Variants in CNTNAP5 observed in about 807,000 individuals in gnomAD.
The protein encoded by CNTNAP5 is contactin-associated protein-like 5.
A neutral mutation model predicts 150.2 loss-of-function variants in CNTNAP5; 72 were observed. That is an observed-to-expected ratio of 0.48 (90% CI 0.40 to 0.58). The LOEUF is 0.58. Ranked by LOEUF, CNTNAP5 falls within the 20% of genes least tolerant of loss-of-function variation. The pLI, the probability that CNTNAP5 is intolerant of heterozygous loss-of-function variation, is 0.00. For missense variants in CNTNAP5, 1,636 were observed against 1,626.2 expected (o/e 1.01, Z -0.10); for synonymous variants, 672 against 619.8 (o/e 1.08, Z -1.25).
At chr2:124,771,527 A>G (rs998241706) in intron 16 of CNTNAP5, among the ~76,000 whole-genome samples, 1 of 152,162 alleles carries the variant, frequency 6.6e-6, no homozygotes, top group Non-Finnish European at 1.5e-5. Context: ...AATGCTAATA[A>G]TGGTACATTT....
At chr2:124,149,080 C>A (rs1309473845) in intron 1 of CNTNAP5, among the ~76,000 whole-genome samples, 1 of 151,972 alleles carries the variant, frequency 6.6e-6, no homozygotes, top group Non-Finnish European at 1.5e-5. Context: ...CAGTTGTATT[C>A]CAGGTTAATC....
rs569283512 is a variant in CNTNAP5 at position 124,069,815 on chromosome 2, G to A, written c.82+44083G>A. 2.6e-5 allele frequency among the ~76,000 whole-genome samples: 4 copies of A among 152,228 alleles called. No individual in the cohort carries two copies. In the East Asian group the frequency reaches 7.7e-4, roughly 29 times the overall value. On this transcript the variant is annotated intron_variant, in intron 1 of 23. Coordinates refer to ENST00000682447, the MANE Select transcript of CNTNAP5 (RefSeq NM_001367498.1). ...GGGAGTTCCTCAATCTGAAAGAAAA[G>A]GATGTTAATGAGTGATAAGAAATTA...
intron 21 of CNTNAP5, among the ~76,000 whole-genome samples, chr2:124,870,067 G>C (rs1273739463): frequency 6.6e-6 from 1 of 151,524 alleles, no homozygotes; most frequent in African/African-American, 2.4e-5. Context: ...TAACTTAAAT[G>C]TATGAGTGCA....
chr2:124,253,015 C>T (rs1687225257), intron 3 of CNTNAP5, among the ~76,000 whole-genome samples: 1 of 151,318 alleles, frequency 6.6e-6, no homozygotes, highest in African/African-American at 2.4e-5. Flanking sequence ...TATAATAGTA[C>T]ATAAAATATA....
intron 12 of CNTNAP5, among the ~76,000 whole-genome samples, chr2:124,637,026 C>G (rs1380589035): frequency 1.3e-5 from 2 of 152,022 alleles, no homozygotes; most frequent in Non-Finnish European, 1.5e-5. Flanking sequence ...CTTCTAAGAA[C>G]AAATATATTC....
intron 3 of CNTNAP5, among the ~76,000 whole-genome samples, chr2:124,358,724 T>A (rs1690100387): frequency 6.6e-6 from 1 of 152,180 alleles, no homozygotes; most frequent in Non-Finnish European, 1.5e-5. Context: ...TATTGAGGAT[T>A]TTTGCATCAA....
At chr2:124,588,050 A>G (rs1696579593) in intron 11 of CNTNAP5, among the ~76,000 whole-genome samples, 2 of 151,826 alleles carry the variant, frequency 1.3e-5, no homozygotes, top group Non-Finnish European at 2.9e-5. Context: ...AATAAGAGTT[A>G]ATTTTCAAAG....
chr2:124,231,251 A>G (rs1686610784), intron 2 of CNTNAP5, among the ~76,000 whole-genome samples: 1 of 152,224 alleles, frequency 6.6e-6, no homozygotes, highest in African/African-American at 2.4e-5. Context: ...GAGAGTAGAA[A>G]GAATCAAAGT....
In CNTNAP5 at chr2:124,763,629, T is replaced by C. The variant is rs1397155947; in HGVS notation, c.2235-43T>C. The C allele has an allele frequency of 1.9e-6, 3 of 1,582,376 alleles. No homozygotes were observed. In the South Asian group the frequency reaches 3.4e-5, roughly 18 times the overall value. Reference sequence around the variant, plus strand: ...GTCATGGAAAAGAGTCCCTAGATTATCCACATTTTGTCCTCTTTTTTTCTT... The same window carrying C: ...GTCATGGAAAAGAGTCCCTAGATTACCCACATTTTGTCCTCTTTTTTTCTT... On this transcript the variant is annotated intron_variant, in intron 14 of 23. Coordinates refer to ENST00000682447, the MANE Select transcript of CNTNAP5 (RefSeq NM_001367498.1).
chr2:124,769,977 CT>C (rs1250202981), intron 16 of CNTNAP5, among the ~76,000 whole-genome samples: 3 of 152,130 alleles, frequency 2.0e-5, no homozygotes, highest in African/African-American at 7.2e-5. Flanking sequence ...TAAATATTAA[CT>C]ATTTTTATTG....
intron 4 of CNTNAP5, among the ~76,000 whole-genome samples, chr2:124,423,548 C>T (rs1388858671): frequency 2.0e-5 from 3 of 150,460 alleles, no homozygotes; most frequent in South Asian, 2.1e-4. Flanking sequence ...TTAGTAGAGA[C>T]GGGGTTTCAC....
At chr2:124,043,568 C>A (rs1016657949) in intron 1 of CNTNAP5, among the ~76,000 whole-genome samples, 12 of 152,152 alleles carry the variant, frequency 7.9e-5, no homozygotes, top group South Asian at 4.1e-4. Context: ...GACTTCCCAT[C>A]ATCATGTTCT....
At chr2:124,074,241 A>C (rs1389368951) in intron 1 of CNTNAP5, among the ~76,000 whole-genome samples, 3 of 152,244 alleles carry the variant, frequency 2.0e-5, no homozygotes, top group South Asian at 2.1e-4. Context: ...GGGTACAAAA[A>C]GTAGTTGGAA....
intron 1 of CNTNAP5, among the ~76,000 whole-genome samples, chr2:124,191,513 T>G (rs996623370): frequency 6.6e-6 from 1 of 152,144 alleles, no homozygotes; most frequent in Non-Finnish European, 1.5e-5. Flanking sequence ...ATATGTATAG[T>G]CAAGTTGGAG....
At chr2:124,661,907 C>T (rs962066768) in intron 13 of CNTNAP5, among the ~76,000 whole-genome samples, 1 of 151,980 alleles carries the variant, frequency 6.6e-6, no homozygotes, top group Non-Finnish European at 1.5e-5. Context: ...GTTACATGTG[C>T]AGAACATGCA....
intron 1 of CNTNAP5, among the ~76,000 whole-genome samples, chr2:124,166,873 T>G (rs1684819343): frequency 6.6e-6 from 1 of 152,136 alleles, no homozygotes; most frequent in African/African-American, 2.4e-5. Context: ...TAAAACTTCC[T>G]CAAATCCATC....
chr2:124,900,437 A>G (rs1433995066), intron 21 of CNTNAP5, among the ~76,000 whole-genome samples: 1 of 151,336 alleles, frequency 6.6e-6, no homozygotes, highest in Non-Finnish European at 1.5e-5. Context: ...TTCTCCTATC[A>G]GGGATTCTTG....
At chr2:124,592,102 T>G (rs1282551584) in intron 11 of CNTNAP5, among the ~76,000 whole-genome samples, 1 of 152,152 alleles carries the variant, frequency 6.6e-6, no homozygotes, top group Non-Finnish European at 1.5e-5. Flanking sequence ...GCAACATAGT[T>G]TATTCAACTA....
chr2:124,713,318 CCTTTCTTTCTTTCTTTCTT>C (rs1679869024), intron 13 of CNTNAP5, among the ~76,000 whole-genome samples: 1 of 43,926 alleles, frequency 2.3e-5, no homozygotes, highest in African/African-American at 7.8e-5. Flanking sequence ...CTCTTTCTTT[CCTTTCTTTCTTTCTTTCTT>C]TCTTTCTTTC....
Sources: gnomAD v4.1 joint callset for allele counts (sites outside exome capture counted in the v4.1 genomes callset) on GRCh38, gnomAD v4.1.1 for gene constraint, MANE v1.5 for transcripts, NCBI Gene and HGNC (gene_info 2026-07-23, HGNC 2026-07-21) for gene names.